Variants in MAD1L1 observed in about 807,000 individuals in gnomAD.
MAD1L1 encodes mitotic spindle assembly checkpoint protein MAD1.
A neutral mutation model predicts 96.9 loss-of-function variants in MAD1L1; 95 were observed. The ratio of observed to expected loss-of-function variants is 0.98; its 90% confidence interval spans 0.83 to 1.16. MAD1L1 has a LOEUF of 1.16. Among genes scored for constraint, MAD1L1 ranks in the 50% most tolerant of loss-of-function variants. The probability of loss-of-function intolerance (pLI) is 0.00; values close to 1 mark genes in which losing one functional copy is unlikely to be tolerated. For missense variants in MAD1L1, 1,007 were observed against 954.4 expected, an observed-to-expected ratio of 1.06 and a Z score of -0.73; for synonymous variants, 473 against 396.6, an observed-to-expected ratio of 1.19 and a Z score of -2.29.
chr7:1,913,970 T>C (rs6950330), intron 17 of MAD1L1, among the ~76,000 whole-genome samples: 68,813 of 151,926 alleles, frequency 0.45, 15,826 homozygotes, highest in Admixed American at 0.55. Context: ...CTGGACGCCA[T>C]GCTGGGGGGG....
At chr7:1,999,936 T>C (rs1225124827) in intron 14 of MAD1L1, among the ~76,000 whole-genome samples, 1 of 152,116 alleles carries the variant, frequency 6.6e-6, no homozygotes, top group Non-Finnish European at 1.5e-5. Flanking sequence ...GTACCCCAAC[T>C]CATGGCTGCT....
At chr7:2,072,522 T>C (rs1472189658) in intron 11 of MAD1L1, among the ~76,000 whole-genome samples, 3 of 152,118 alleles carry the variant, frequency 2.0e-5, no homozygotes, top group Non-Finnish European at 4.4e-5. Context: ...TGGGACCCAG[T>C]TCAATTTTAA....
chr7:2,227,562 C>T (rs1348626423), intron 3 of MAD1L1, among the ~76,000 whole-genome samples: 1 of 152,148 alleles, frequency 6.6e-6, no homozygotes, highest in African/African-American at 2.4e-5. Context: ...AAAGAATTAC[C>T]CAGCCCAAAT....
chr7:2,069,358 G>A lies in MAD1L1; in HGVS notation c.1074-20C>T. On this transcript the variant is annotated intron_variant, in intron 11 of 18. Transcript: ENST00000265854. ...CGGGCGCTGCATGGGAGAGACAAGA[G>A]GGCAAAGCAATGAAGCCTGGGGTGA... 4.5e-6 allele frequency: 7 copies of A among 1,565,838 alleles called. No individual in the cohort carries two copies. Among genetic ancestry groups the A allele is most frequent in the Non-Finnish European group, 6.0e-6 (7 of 1,162,256 alleles).
intron 16 of MAD1L1, among the ~76,000 whole-genome samples, chr7:1,939,382 G>A (rs1019334639): frequency 1.7e-4 from 26 of 152,194 alleles, no homozygotes; most frequent in Admixed American, 8.5e-4. Context: ...GCACACACAC[G>A]GGCCAGGGCT....
intron 13 of MAD1L1, 63 bp downstream of exon 13, chr7:2,014,439 G>C (rs1049689307): frequency 1.3e-6 from 2 of 1,505,182 alleles, no homozygotes; most frequent in Non-Finnish European, 1.8e-6. Flanking sequence ...CGCAGGCTCT[G>C]CCAAGGCCCA....
chr7:2,125,153 C>A (rs1788171571), intron 11 of MAD1L1, among the ~76,000 whole-genome samples: 1 of 152,178 alleles, frequency 6.6e-6, no homozygotes, highest in Admixed American at 6.5e-5. Context: ...GCGTCAGACC[C>A]CGGGTCATGC....
intron 12 of MAD1L1, among the ~76,000 whole-genome samples, chr7:2,052,713 T>A (rs1054501319): frequency 6.6e-6 from 1 of 152,140 alleles, no homozygotes; most frequent in Non-Finnish European, 1.5e-5. Context: ...TATAAAGGGG[T>A]ACACCATCAA....
rs144952756 is a variant in MAD1L1, at chr7:1,899,908, A to T, written c.1808-1518T>A. 4.1e-3 allele frequency among the ~76,000 whole-genome samples: 620 copies of T among 152,248 alleles called. 5 individuals carry two copies. Among genetic ancestry groups the T allele is most frequent in the African/African-American group, 0.014 (567 of 41,546 alleles). On this transcript the variant is annotated intron_variant, in intron 17 of 18. Transcript: ENST00000265854. ...TCAAGTCTGCAGAGGAAGATGGAGG[A>T]CGCGGGAGGGGCCGCGGTTTCAGCT... is the stretch of plus-strand genomic sequence containing the variant.
In MAD1L1 at chr7:1,968,202, C is replaced by T. The variant is rs774980737; in HGVS notation, c.1506-10483G>A. On this transcript the variant is annotated intron_variant, in intron 15 of 18. Transcript: ENST00000265854. This position sits in a 1 kb window ranked among gnomAD's most constrained non-coding sequence, Gnocchi z 5.6. ...GGCACCCGGCAGAGCACGCCTCAAT[C>T]CGGCGGTCAGGTCCACCGTCGACGC... Among the ~76,000 whole-genome samples the T allele has an allele frequency of 6.6e-6, 1 of 152,174 alleles. No homozygotes were observed. The highest frequency in any genetic ancestry group is 1.5e-5 in the Non-Finnish European group (1 of 68,020).
chr7:1,995,761 G>T (rs942294471), intron 14 of MAD1L1, among the ~76,000 whole-genome samples: 15 of 152,200 alleles, frequency 9.9e-5, no homozygotes, highest in Non-Finnish European at 1.9e-4. Flanking sequence ...CCAGGGACCA[G>T]GAGGCTGCCA....
chr7:2,151,431 G>A lies in MAD1L1; in HGVS notation c.987-2193C>T, dbSNP rs1032833659. 1.4e-4 allele frequency among the ~76,000 whole-genome samples: 21 copies of A among 152,342 alleles called. No individual in the cohort carries two copies. In the East Asian group the frequency reaches 2.3e-3, roughly 17 times the overall value. ...CATGTCACTGGACCTGAAACAGCAG[G>A]AGGCCAGTGGAGAGGCATTTGGCAG... On this transcript the variant is annotated intron_variant, in intron 10 of 18. Transcript: ENST00000265854.
intron 18 of MAD1L1, among the ~76,000 whole-genome samples, chr7:1,855,577 G>A (rs146547012): frequency 7.9e-5 from 12 of 151,650 alleles, no homozygotes; most frequent in Non-Finnish European, 1.0e-4. Flanking sequence ...CACCCGAGGC[G>A]GGTCTCCCCT....
In MAD1L1 at chr7:1,816,248, G is replaced by C; in HGVS notation, c.1999-20C>G. The C allele has an allele frequency of 5.6e-6, 9 of 1,606,454 alleles. No homozygotes were observed. In the East Asian group the frequency reaches 6.7e-5, roughly 12 times the overall value. On this transcript the variant is annotated intron_variant, in intron 18 of 18. Transcript: ENST00000265854. ...GGTGGCCTGCGGGGCAGTCAAGAAA[G>C]AGACAAGACAGCGGTCAGCCCGACA...
intron 18 of MAD1L1, among the ~76,000 whole-genome samples, chr7:1,882,232 C>T (rs143174042): frequency 2.6e-5 from 4 of 152,278 alleles, no homozygotes; most frequent in Admixed American, 2.0e-4. Context: ...GCGAGTGTGC[C>T]GGGCAGAGGG....
At chr7:1,921,078 C>A (rs1788762892) in intron 17 of MAD1L1, among the ~76,000 whole-genome samples, 1 of 152,216 alleles carries the variant, frequency 6.6e-6, no homozygotes, top group African/African-American at 2.4e-5. Context: ...GACCCCTGCC[C>A]AGCAGATGGC....
At chr7:1,967,795 G>A (rs1466009181) in intron 15 of MAD1L1, among the ~76,000 whole-genome samples, 1 of 152,196 alleles carries the variant, frequency 6.6e-6, no homozygotes, top group Non-Finnish European at 1.5e-5. Context: ...AACAAGTCCC[G>A]CTGCATGCAC....
chr7:1,927,955 C>T (rs1045016815), intron 17 of MAD1L1, among the ~76,000 whole-genome samples: 1 of 152,124 alleles, frequency 6.6e-6, no homozygotes, highest in Non-Finnish European at 1.5e-5. Context: ...ACTAACAATT[C>T]AATTAAAAAA....
chr7:2,130,523 C>A (rs932965746), intron 11 of MAD1L1, among the ~76,000 whole-genome samples: 1 of 152,208 alleles, frequency 6.6e-6, no homozygotes, highest in Non-Finnish European at 1.5e-5. Flanking sequence ...CTCTCTCTCT[C>A]TCTGGGACCC....
Sources: gnomAD v4.1 joint callset for allele counts (sites outside exome capture counted in the v4.1 genomes callset) on GRCh38, gnomAD v4.1.1 for gene constraint, Gnocchi (gnomAD v3.1) non-coding constraint, MANE v1.5 for transcripts, NCBI Gene and HGNC (gene_info 2026-07-23, HGNC 2026-07-21) for gene names.